The following ERMAP variants were observed in gnomAD, a reference collection of about 807,000 sequenced individuals.
ERMAP encodes the protein erythroid membrane-associated protein.
A neutral mutation model predicts 49.5 loss-of-function variants in ERMAP; 34 were observed. The observed-to-expected ratio is 0.69, with a 90% confidence interval of 0.52 to 0.91. The LOEUF (loss-of-function observed/expected upper bound fraction) is 0.91. ERMAP is among the 40% of genes least tolerant of loss of function. The pLI, the probability that ERMAP is intolerant of heterozygous loss-of-function variation, is 0.00. For synonymous variants in ERMAP, 214 were observed against 232.2 expected, an observed-to-expected ratio of 0.92 and a Z score of 0.71; for missense variants, 541 against 582.6, an observed-to-expected ratio of 0.93 and a Z score of 0.74.
At chr1:42,822,094 C>T (rs1654419772) in intron 1 of ERMAP, among the ~76,000 whole-genome samples, 1 of 149,680 alleles carries the variant, frequency 6.7e-6, no homozygotes, top group Non-Finnish European at 1.5e-5. Context: ...TATATAACAA[C>T]AAAACATATA....
intron 2 of ERMAP, chr1:42,829,872 G>A (rs542761385): frequency 3.2e-5 from 5 of 154,000 alleles, no homozygotes; most frequent in Admixed American, 2.6e-4. Flanking sequence ...TCTTTCCAGC[G>A]CCAGACCCTG....
rs1261917574 is a variant in ERMAP, at chr1:42,837,159, C to T, written c.585C>T (p.Asp195=). The change falls in exon 7 of 12, where the codon GAC becomes GAT. Residue 195 remains aspartate (D), a splice_region_variant and synonymous_variant. Transcript: ENST00000372517. ...KLLYEHVTEV[D]NLLSDHAKEK... ...TTATCTTTTCCTTTCTTCCTCTAGACAATCTTCTTTCAGACCATGCTAAAG... is the reference window on the plus strand; with the variant it reads ...TTATCTTTTCCTTTCTTCCTCTAGATAATCTTCTTTCAGACCATGCTAAAG... 6.2e-7 allele frequency: 1 copy of T among 1,613,880 alleles called. No homozygotes were observed. The highest frequency in any genetic ancestry group is 8.5e-7 in the Non-Finnish European group (1 of 1,179,886).
chr1:42,828,873 T>C (rs558385166), intron 2 of ERMAP, among the ~76,000 whole-genome samples: 1 of 152,282 alleles, frequency 6.6e-6, no homozygotes. Flanking sequence ...TCCTTCTATT[T>C]GATTTCAGGC....
In ERMAP at chr1:42,835,035, C is replaced by T; in HGVS notation, c.434-3C>T. ...GGTCAGTCGTTGGTGGTTTCTGTTT[C>T]AGCCCCATCTGTGGGGAGTCTCTCC... is the stretch of plus-strand genomic sequence containing the variant. On this transcript the variant is annotated splice_region_variant and splice_polypyrimidine_tract_variant and intron_variant, in intron 4 of 11. Coordinates refer to ENST00000372517, the MANE Select transcript of ERMAP (RefSeq NM_001017922.2). 2 of 1,244,626 alleles carry T rather than the reference C, an allele frequency of 1.6e-6. No individual in the cohort carries two copies. Among genetic ancestry groups the T allele is most frequent in the Non-Finnish European group, 2.4e-6 (2 of 842,588 alleles). 77.1% of individuals were successfully genotyped at this position (1,244,626 alleles called of 1,614,324 possible).
intron 1 of ERMAP, among the ~76,000 whole-genome samples, chr1:42,825,000 C>A (rs1230035758): frequency 6.6e-6 from 1 of 152,082 alleles, no homozygotes; most frequent in African/African-American, 2.4e-5. Flanking sequence ...CTGCTAGACT[C>A]AGAAGCTAAT....
At chr1:42,838,119 G>A (rs1311547097) in intron 7 of ERMAP, among the ~76,000 whole-genome samples, 1 of 152,136 alleles carries the variant, frequency 6.6e-6, no homozygotes, top group Non-Finnish European at 1.5e-5. Flanking sequence ...ATAATTCTAG[G>A]CATCTCACAT....
intron 8 of ERMAP, 71 bp from the exon 9 acceptor site, chr1:42,839,962 C>A: frequency 6.9e-7 from 1 of 1,457,500 alleles, no homozygotes; most frequent in Non-Finnish European, 9.6e-7. Flanking sequence ...TGGGATGGGA[C>A]TGTAGCATTA....
intron 2 of ERMAP, among the ~76,000 whole-genome samples, chr1:42,828,851 T>C (rs1177820345): frequency 6.6e-6 from 1 of 152,078 alleles, no homozygotes; most frequent in Non-Finnish European, 1.5e-5. Flanking sequence ...GGAATATGGG[T>C]CCATAGAGGT....
At chr1:42,820,700 T>C (rs1017772683) in intron 1 of ERMAP, among the ~76,000 whole-genome samples, 1 of 152,192 alleles carries the variant, frequency 6.6e-6, no homozygotes, top group African/African-American at 2.4e-5. Context: ...TCCTTTTTGG[T>C]AGCCTCTTGC....
chr1:42,831,257 G>T, intron 4 of ERMAP, 142 bp downstream of exon 4: 1 of 1,054,550 alleles, frequency 9.5e-7, no homozygotes, highest in East Asian at 2.6e-5. Context: ...GCCTTACCCA[G>T]CCATGTCCAT....
chr1:42,832,927 G>A (rs984204955), intron 4 of ERMAP, among the ~76,000 whole-genome samples: 1 of 152,242 alleles, frequency 6.6e-6, no homozygotes, highest in African/African-American at 2.4e-5. Context: ...GCAGATAGGT[G>A]GGATGGTTCC....
chr1:42,830,959 G>A lies in ERMAP; in HGVS notation c.277G>A (p.Glu93Lys). The part of the protein sequence containing the change: ...GKDQDEDLMP[E>K]YKGRTVLVRD... The stretch of plus-strand genomic sequence containing the variant: ...GGACCAGGATGAAGATCTGATGCCG[G>A]AATATAAGGGGAGGACGGTGCTAGT... The change falls in exon 4 of 12, where the codon GAA becomes AAA. Residue 93 changes from glutamate to lysine, a missense_variant. Physicochemically the swap from Glu to Lys is moderately conservative, Grantham distance 56. Coordinates refer to ENST00000372517, the MANE Select transcript of ERMAP (RefSeq NM_001017922.2). 6.2e-7 allele frequency: 1 copy of A among 1,614,182 alleles called. No individual in the cohort carries two copies. The highest frequency in any genetic ancestry group is 8.5e-7 in the Non-Finnish European group (1 of 1,180,026).
At chr1:42,825,430 C>T (rs1654514383) in intron 1 of ERMAP, 193 bp from the exon 2 acceptor site, 3 of 1,096,784 alleles carry the variant, frequency 2.7e-6, no homozygotes, top group South Asian at 2.3e-5. Context: ...GCCTCCTACC[C>T]GGTCAGTCAT....
intron 1 of ERMAP, among the ~76,000 whole-genome samples, chr1:42,818,470 TTTTA>T (rs1418524090): frequency 2.6e-5 from 4 of 152,174 alleles, no homozygotes; most frequent in Admixed American, 2.6e-4. Flanking sequence ...AATGTTTATT[TTTTA>T]TTTATTTAAT....
chr1:42,818,445 A>C (rs976147510), intron 1 of ERMAP, among the ~76,000 whole-genome samples: 3 of 152,228 alleles, frequency 2.0e-5, no homozygotes, highest in African/African-American at 7.2e-5. Flanking sequence ...AAAAAGTTCT[A>C]GAGATCTACT....
In ERMAP at chr1:42,835,036, A is replaced by C; in HGVS notation, c.434-2A>C. ...GTCAGTCGTTGGTGGTTTCTGTTTCAGCCCCATCTGTGGGGAGTCTCTCCC... is the reference window on the plus strand; with the variant it reads ...GTCAGTCGTTGGTGGTTTCTGTTTCCGCCCCATCTGTGGGGAGTCTCTCCC... On this transcript the variant is annotated splice_acceptor_variant, in intron 4 of 11. Transcript: ENST00000372517. LOFTEE classifies it high-confidence loss of function. The C allele has an allele frequency of 1.6e-6, 2 of 1,255,432 alleles. No individual in the cohort carries two copies. The highest frequency in any genetic ancestry group is 2.9e-5 in the African/African-American group (2 of 68,074). 77.8% of individuals were successfully genotyped at this position (1,255,432 alleles called of 1,614,324 possible).
chr1:42,832,179 ATTTTTTTTTT>A (rs75673269), intron 4 of ERMAP, among the ~76,000 whole-genome samples: 4 of 96,760 alleles, frequency 4.1e-5, no homozygotes, highest in East Asian at 4.4e-4. Context: ...GTGAAAATTA[ATTTTTTTTTT>A]TTTTTTTTTT....
At chr1:42,838,836 C>T in intron 7 of ERMAP, 65 bp from the exon 8 acceptor site, 1 of 1,607,094 alleles carries the variant, frequency 6.2e-7, no homozygotes, top group South Asian at 1.1e-5. Context: ...ATGAGGCTGC[C>T]ACAGCTCTGA....
chr1:42,837,195 T>A lies in ERMAP; in HGVS notation c.616+5T>A. On this transcript the variant is annotated splice_donor_5th_base_variant and intron_variant, in intron 7 of 11. Coordinates refer to ENST00000372517, the MANE Select transcript of ERMAP (RefSeq NM_001017922.2). ...CAGACCATGCTAAAGAAAAAGGTAA[T>A]GATATAAAAGAGTAAGGGGTAGGGA... 6.2e-7 allele frequency: 1 copy of A among 1,613,598 alleles called. No homozygotes were observed. Among genetic ancestry groups the A allele is most frequent in the South Asian group, 1.1e-5 (1 of 91,056 alleles).
Sources: allele counts gnomAD v4.1 joint callset (sites outside exome capture counted in the v4.1 genomes callset), GRCh38; gene constraint gnomAD v4.1.1; transcripts MANE v1.5; gene names NCBI Gene and HGNC (gene_info 2026-07-23, HGNC 2026-07-21).